The following GSN variants were observed in gnomAD, a reference collection of about 807,000 sequenced individuals.
GSN encodes gelsolin, also known as actin-depolymerizing factor.
Under a neutral mutation model 85.7 loss-of-function variants are expected in GSN, and 56 were observed. The ratio of observed to expected loss-of-function variants is 0.65; its 90% CI spans 0.53 to 0.82. The LOEUF (loss-of-function observed/expected upper bound fraction) is 0.82, where lower values mean the gene tolerates loss of function less well. Ranked by LOEUF, GSN falls within the 40% of genes least tolerant of loss-of-function variation. The pLI is 0.00. For missense variants in GSN, 857 were observed against 979.8 expected (o/e 0.87, Z 1.67); for synonymous variants, 373 against 399.1 (o/e 0.93, Z 0.78).
At chr9:121,258,356 A>G (rs929523799) in intron 6 of GSN, among the ~76,000 whole-genome samples, 5 of 152,142 alleles carry the variant, frequency 3.3e-5, no homozygotes, top group African/African-American at 1.2e-4. Context: ...TCAGCTACTC[A>G]GGAGGCTGAG....
intron 4 of GSN, among the ~76,000 whole-genome samples, chr9:121,224,254 G>A (rs769914909): frequency 8.6e-5 from 13 of 151,892 alleles, no homozygotes; most frequent in Admixed American, 2.0e-4. Flanking sequence ...CCGTCACCAC[G>A]CCCGGCTAAT....
intron 6 of GSN, among the ~76,000 whole-genome samples, chr9:121,253,761 TG>T (rs1197099716): frequency 1.3e-5 from 2 of 152,222 alleles, no homozygotes; most frequent in African/African-American, 4.8e-5. Flanking sequence ...GAGAGATCTG[TG>T]ACAATGACTC....
Position 121,329,516 on chromosome 9 carries a change from C to G in GSN, c.1965+201C>G, listed in dbSNP as rs2063652426. 6.6e-6 allele frequency among the ~76,000 whole-genome samples: 1 copy of G among 152,176 alleles called. No homozygotes were observed. The highest frequency in any genetic ancestry group is 6.5e-5 in the Admixed American group (1 of 15,282). ...GTAAACTGGGAGTGGCGGTACCTCC[C>G]TTGCAGATACACTCACCTTGAAAGC... On this transcript the variant is annotated intron_variant, in intron 16 of 17. Coordinates refer to ENST00000432226, the MANE Select transcript of GSN (RefSeq NM_198252.3). The surrounding 1 kb of genome is among the most constrained non-coding windows in gnomAD (Gnocchi z 4.6).
At chr9:121,270,457 C>T (rs1278817132) in intron 1 of GSN, among the ~76,000 whole-genome samples, 1 of 152,164 alleles carries the variant, frequency 6.6e-6, no homozygotes, top group African/African-American at 2.4e-5. Flanking sequence ...GAGCAGTGGC[C>T]ACTGGGATGG....
chr9:121,213,297 A>C (rs906668914), intron 4 of GSN, among the ~76,000 whole-genome samples: 1 of 152,168 alleles, frequency 6.6e-6, no homozygotes, highest in African/African-American at 2.4e-5. Context: ...GCTTCCAAAA[A>C]CTATGGGGAA....
intron 6 of GSN, among the ~76,000 whole-genome samples, chr9:121,250,684 T>A (rs1390102361): frequency 6.9e-6 from 1 of 144,686 alleles, no homozygotes; most frequent in Non-Finnish European, 1.5e-5. Flanking sequence ...ACTACAGGCA[T>A]GTGCCACCAC....
chr9:121,218,689 CATTG>C (rs1208306180), intron 4 of GSN, among the ~76,000 whole-genome samples: 1 of 152,064 alleles, frequency 6.6e-6, no homozygotes, highest in Non-Finnish European at 1.5e-5. Flanking sequence ...AAAAAAAGAC[CATTG>C]GTTACAGGAG....
At chr9:121,212,592 A>G (rs1044662086) in intron 4 of GSN, among the ~76,000 whole-genome samples, 6 of 151,788 alleles carry the variant, frequency 4.0e-5, no homozygotes, top group African/African-American at 1.5e-4. Context: ...TAAGCTAGAC[A>G]TAATTTTAAA....
intron 11 of GSN, 126 bp from the exon 12 acceptor site, chr9:121,324,427 TC>T (rs1014391110): frequency 1.5e-6 from 1 of 682,522 alleles, no homozygotes; most frequent in Admixed American, 2.0e-5. Context: ...TCTGAAAGAG[TC>T]CCCTTCCCTC....
intron 4 of GSN, among the ~76,000 whole-genome samples, chr9:121,303,389 T>TG (rs936534111): frequency 1.8e-4 from 28 of 152,322 alleles, no homozygotes; most frequent in Admixed American, 1.1e-3. Flanking sequence ...TTGCAGGCCC[T>TG]GGGGGGCTTT....
In GSN at chr9:121,272,546, G is replaced by C. The variant is rs557822301; in HGVS notation, c.-103+4327G>C. On this transcript the variant is annotated intron_variant, in intron 1 of 17. Coordinates refer to ENST00000432226, the MANE Select transcript of GSN (RefSeq NM_198252.3). ...AAGTGAGCCCGCAGTGGTGCAACTG[G>C]TGATTCAGCTACTGTTCTTGAATTT... 2.0e-5 allele frequency among the ~76,000 whole-genome samples: 3 copies of C among 152,338 alleles called. No individual in the cohort carries two copies. In the South Asian group the frequency reaches 6.2e-4, roughly 32 times the overall value.
chr9:121,293,806 C>T (rs2058940016), intron 2 of GSN, among the ~76,000 whole-genome samples: 1 of 152,018 alleles, frequency 6.6e-6, no homozygotes, highest in Non-Finnish European at 1.5e-5. Flanking sequence ...ACAATAAAAG[C>T]AGCCTCCTTT....
At chr9:121,245,946 G>C (rs1017137236) in intron 5 of GSN, among the ~76,000 whole-genome samples, 3 of 151,998 alleles carry the variant, frequency 2.0e-5, no homozygotes, top group Admixed American at 6.6e-5. Flanking sequence ...GACAACCAGA[G>C]AAATATAAAT....
chr9:121,312,331 T>C lies in GSN; in HGVS notation c.514-8T>C. 6.2e-7 allele frequency: 1 copy of C among 1,614,060 alleles called. No individual in the cohort carries two copies. The highest frequency in any genetic ancestry group is 8.5e-7 in the Non-Finnish European group (1 of 1,179,954). On this transcript the variant is annotated splice_polypyrimidine_tract_variant and splice_region_variant and intron_variant, in intron 5 of 17. Coordinates refer to ENST00000432226, the MANE Select transcript of GSN (RefSeq NM_198252.3). ...GGGGCACTGACTTCCTGGGTCTCTG[T>C]CTTCCAGAACATCCACCAGTGGTGT... is the stretch of plus-strand genomic sequence containing the variant.
upstream of GSN, among the ~76,000 whole-genome samples, chr9:121,267,214 G>A (rs767967250): frequency 2.6e-5 from 4 of 152,210 alleles, no homozygotes; most frequent in Non-Finnish European, 4.4e-5. Flanking sequence ...CTGCTGGGAG[G>A]CCGTCTTATG....
In GSN at chr9:121,328,979, C is replaced by A. The variant is rs773392371; in HGVS notation, c.1851C>A (p.Arg617=). The A allele has an allele frequency of 1.2e-6, 2 of 1,614,030 alleles. No homozygotes were observed. The highest frequency in any genetic ancestry group is 3.3e-5 in the Admixed American group (2 of 60,028). ...KDKKMDAHPP[R]LFACSNKIGR... is the part of the protein sequence containing the mutation. ...AGAAGATGGATGCCCATCCTCCTCG[C>A]CTCTTTGCCTGCTCCAACAAGATTG... Residue 617 remains arginine, a synonymous_variant, in exon 15 of 18, where the codon CGC becomes CGA. Coordinates refer to ENST00000432226, the MANE Select transcript of GSN (RefSeq NM_198252.3).
intron 2 of GSN, among the ~76,000 whole-genome samples, chr9:121,290,827 T>A (rs1030274190): frequency 1.3e-5 from 2 of 152,194 alleles, no homozygotes; most frequent in South Asian, 4.1e-4. Flanking sequence ...TTTTTATTTT[T>A]AAATTTTTAT....
At chr9:121,287,189 T>G (rs916465461) in intron 2 of GSN, among the ~76,000 whole-genome samples, 29 of 152,072 alleles carry the variant, frequency 1.9e-4, no homozygotes, top group Middle Eastern at 3.2e-3. Context: ...AGAAGTTTCC[T>G]CTGTGGGGCC....
chr9:121,267,591 C>T (rs1342173393), upstream of GSN, among the ~76,000 whole-genome samples: 4 of 152,144 alleles, frequency 2.6e-5, no homozygotes, highest in African/African-American at 7.2e-5. Context: ...GGCCTTCTGA[C>T]TCCGAGGCGC....
Sources: allele counts gnomAD v4.1 joint callset (sites outside exome capture counted in the v4.1 genomes callset), GRCh38; gene constraint gnomAD v4.1.1; non-coding constraint Gnocchi (gnomAD v3.1); transcripts MANE v1.5; gene names NCBI Gene and HGNC (gene_info 2026-07-23, HGNC 2026-07-21).